MICAL3: variants seen among roughly 807,000 people sequenced by gnomAD.
The protein encoded by MICAL3 is microtubule associated monooxygenase, calponin and LIM domain containing 3.
In MICAL3, 62 loss-of-function variants were observed where a neutral mutation model predicts 207.4. The observed-to-expected ratio is 0.30, with a 90% CI of 0.24 to 0.37. The LOEUF is 0.37. Ranked by LOEUF, MICAL3 falls within the 10% of genes least tolerant of loss-of-function variation. The pLI is 1.00. For missense variants in MICAL3, 2,368 were observed against 2,635.6 expected (o/e 0.90, Z 2.22); for synonymous variants, 1,077 against 1,069.3 (o/e 1.01, Z -0.14).
At chr22:17,860,848 G>T (rs1393898973) in intron 19 of MICAL3, 2 of 985,314 alleles carry the variant, frequency 2.0e-6, no homozygotes, top group East Asian at 2.3e-4. Flanking sequence ...CTGGAGTACG[G>T]CTCCCCAGTG....
intron 25 of MICAL3, among the ~76,000 whole-genome samples, chr22:17,819,641 C>T (rs1022730915): frequency 6.6e-6 from 1 of 152,260 alleles, no homozygotes; most frequent in Admixed American, 6.5e-5. Flanking sequence ...CAAACAAAGC[C>T]TCCCCATTTC....
chr22:17,871,981 C>T lies in MICAL3; in HGVS notation c.2284G>A (p.Asp762Asn), dbSNP rs200476293. The change falls in exon 17 of 32, where the codon GAC (aspartate) becomes AAC (asparagine). Residue 762 changes from aspartate (D) to asparagine (N), a missense_variant. Asp to Asn is a conservative substitution (Grantham distance 23). This residue lies in a region of MICAL3 where 1,770 missense variants were observed against 1,863.2 expected (regional missense o/e 0.95). Transcript: ENST00000441493. The part of the protein sequence containing the change: ...KEFPQNLGGS[D>N]TCYFCQKRVY... The stretch of plus-strand genomic sequence containing the variant: ...CGCTTCTGGCAGAAGTAGCATGTGT[C>T]GCTGCCTCCCAGGTTCTGCGGGAAC... 17 of 1,610,532 alleles carry T rather than the reference C, an allele frequency of 1.1e-5. No homozygotes were observed. Among genetic ancestry groups the T allele is most frequent in the South Asian group, 5.6e-5 (5 of 90,068 alleles).
At chr22:17,882,190 G>A (rs78236661) in intron 16 of MICAL3, among the ~76,000 whole-genome samples, 1,619 of 152,324 alleles carry the variant, frequency 0.011, 28 homozygotes, top group African/African-American at 0.036. Context: ...AGATCAAAAG[G>A]CAAAAGGGTG....
chr22:17,960,846 C>A (rs941150731), intron 1 of MICAL3, among the ~76,000 whole-genome samples: 38 of 152,154 alleles, frequency 2.5e-4, no homozygotes, highest in Admixed American at 4.6e-4. Context: ...ACCGAAGGAG[C>A]CAGCACGGGG....
intron 19 of MICAL3, among the ~76,000 whole-genome samples, chr22:17,847,621 G>T (rs1353914241): frequency 2.6e-5 from 4 of 152,100 alleles, no homozygotes; most frequent in African/African-American, 9.7e-5. Context: ...GGGGCCGACC[G>T]TGACCACCTT....
chr22:18,007,821 G>C (rs1039809766), intron 1 of MICAL3, among the ~76,000 whole-genome samples: 1 of 150,108 alleles, frequency 6.7e-6, no homozygotes, highest in African/African-American at 2.5e-5. Context: ...TACTCGGGAG[G>C]CTGAGGCAGG....
intron 1 of MICAL3, among the ~76,000 whole-genome samples, chr22:17,928,574 G>C (rs1248240647): frequency 6.6e-6 from 1 of 152,162 alleles, no homozygotes; most frequent in East Asian, 1.9e-4. Flanking sequence ...TGTGCAAGGA[G>C]CACTTAAGAA....
In MICAL3 at chr22:17,909,719, C is replaced by G. The variant is rs370715758; in HGVS notation, c.-74-2833G>C. 5.3e-5 allele frequency among the ~76,000 whole-genome samples: 8 copies of G among 152,334 alleles called. No homozygotes were observed. The South Asian group carries it at 6.2e-4, about 12-fold the overall frequency. ...TAAAAAGGGCCCATTATTTATCTTACAAGCCAAGGCTTATCTTAGAAATGT... is the reference window on the plus strand; with the variant it reads ...TAAAAAGGGCCCATTATTTATCTTAGAAGCCAAGGCTTATCTTAGAAATGT... On this transcript the variant is annotated intron_variant, in intron 1 of 31. Coordinates refer to ENST00000441493, the MANE Select transcript of MICAL3 (RefSeq NM_015241.3).
intron 1 of MICAL3, among the ~76,000 whole-genome samples, chr22:17,964,997 A>G (rs1935080591): frequency 6.6e-6 from 1 of 152,198 alleles, no homozygotes; most frequent in Admixed American, 6.5e-5. Context: ...CTGAAAGGGC[A>G]CAGAGCAGGT....
chr22:17,804,915 A>C (rs1327365857), intron 29 of MICAL3, among the ~76,000 whole-genome samples: 1 of 152,212 alleles, frequency 6.6e-6, no homozygotes, highest in Non-Finnish European at 1.5e-5. Context: ...CAGGTGCCCC[A>C]GGACTGGAAA....
rs1931435377 is a variant in MICAL3, at chr22:17,902,868, C to A, written c.473-121G>T. 1.6e-6 allele frequency: 1 copy of A among 624,304 alleles called. No individual in the cohort carries two copies. Among genetic ancestry groups the A allele is most frequent in the Non-Finnish European group, 2.9e-6 (1 of 347,958 alleles). The allele number at this position is 624,304 out of a possible 1,614,324, so 38.7% of individuals were successfully genotyped here. ...CCTTCATTCAGATTCCCAAAGCCTG[C>A]TGTAGCAGGAGACCTTCCAAAGCCA... On this transcript the variant is annotated intron_variant, in intron 3 of 31. Transcript: ENST00000441493. This position sits in a 1 kb window ranked among gnomAD's most constrained non-coding sequence, Gnocchi z 4.5.
chr22:17,993,654 C>T (rs1405615446), intron 1 of MICAL3, among the ~76,000 whole-genome samples: 1 of 152,006 alleles, frequency 6.6e-6, no homozygotes, highest in Non-Finnish European at 1.5e-5. Flanking sequence ...AGCCCCCCTG[C>T]GCCCACACTC....
chr22:17,912,451 T>A (rs1029377803), intron 1 of MICAL3, among the ~76,000 whole-genome samples: 1 of 152,172 alleles, frequency 6.6e-6, no homozygotes, highest in Admixed American at 6.5e-5. Context: ...ATCTTAACAA[T>A]AGTAAGTCTT....
chr22:17,932,210 G>C (rs1933299560), intron 1 of MICAL3, among the ~76,000 whole-genome samples: 1 of 152,168 alleles, frequency 6.6e-6, no homozygotes, highest in Non-Finnish European at 1.5e-5. Flanking sequence ...AGGAAAAAGT[G>C]TTAAGGGCAG....
intron 21 of MICAL3, among the ~76,000 whole-genome samples, chr22:17,828,369 C>T (rs532103479): frequency 2.0e-5 from 3 of 152,372 alleles, no homozygotes; most frequent in South Asian, 2.1e-4. Context: ...GCTGGCACTT[C>T]GGTTTGCATC....
Position 17,989,483 on chromosome 22 carries a change from C to A in MICAL3, c.-75+34798G>T, listed in dbSNP as rs188210404. 4.4e-3 allele frequency among the ~76,000 whole-genome samples: 668 copies of A among 152,184 alleles called. 26 individuals carry two copies. Among genetic ancestry groups the A allele is most frequent in the Admixed American group, 0.039 (599 of 15,294 alleles). On this transcript the variant is annotated intron_variant, in intron 1 of 31. Coordinates refer to ENST00000441493, the MANE Select transcript of MICAL3 (RefSeq NM_015241.3). ...ACCACCCAGACAGAACCCGGTACAG[C>A]AGCTCATCAATGCTGAAGGCAACCC...
At chr22:17,958,048 C>T (rs1348160962) in intron 1 of MICAL3, among the ~76,000 whole-genome samples, 1 of 152,178 alleles carries the variant, frequency 6.6e-6, no homozygotes, top group Non-Finnish European at 1.5e-5. Flanking sequence ...AAAACTGACC[C>T]AATGAGTTGG....
intron 1 of MICAL3, among the ~76,000 whole-genome samples, chr22:17,987,985 G>A (rs943927821): frequency 6.6e-6 from 1 of 152,186 alleles, no homozygotes; most frequent in African/African-American, 2.4e-5. Context: ...ACAAACAGGC[G>A]GGCAGGCTGC....
chr22:17,811,030 A>G, intron 27 of MICAL3: 1 of 527,724 alleles, frequency 1.9e-6, no homozygotes, highest in Non-Finnish European at 3.4e-6. Context: ...AGCCTGCAGC[A>G]GCCCTCAGTG....
Sources: gnomAD v4.1 joint callset for allele counts (sites outside exome capture counted in the v4.1 genomes callset) on GRCh38, gnomAD v4.1.1 for gene constraint, gnomAD v4.1.1 regional missense constraint, Gnocchi (gnomAD v3.1) non-coding constraint, MANE v1.5 for transcripts, NCBI Gene and HGNC (gene_info 2026-07-23, HGNC 2026-07-21) for gene names.